The following UBASH3B variants were observed in gnomAD, a reference collection of about 807,000 sequenced individuals.
The protein encoded by UBASH3B is ubiquitin-associated and SH3 domain-containing protein B.
Under a neutral mutation model 83.4 loss-of-function variants are expected in UBASH3B, and 37 were observed. The ratio of observed to expected loss-of-function variants is 0.44; its 90% confidence interval spans 0.34 to 0.58. UBASH3B has a LOEUF of 0.58. UBASH3B is among the 20% of genes least tolerant of loss of function. The probability of loss-of-function intolerance (pLI) is 0.01; values close to 1 mark genes in which losing one functional copy is unlikely to be tolerated. For missense variants in UBASH3B, 657 were observed against 827.2 expected (o/e 0.79, Z 2.52); for synonymous variants, 304 against 318.3 (o/e 0.96, Z 0.48).
intron 1 of UBASH3B, among the ~76,000 whole-genome samples, chr11:122,756,992 A>G (rs1861292344): frequency 6.6e-6 from 1 of 152,224 alleles, no homozygotes; most frequent in South Asian, 2.1e-4. Context: ...AGAGGATTGA[A>G]GTAAGTGATC....
chr11:122,810,865 A>G lies in UBASH3B; in HGVS notation c.*979A>G, dbSNP rs1019173126. The G allele has an allele frequency of 6.6e-6, 1 of 152,180 alleles. No individual in the cohort carries two copies. Among genetic ancestry groups the G allele is most frequent in the Admixed American group, 6.5e-5 (1 of 15,278 alleles). 9.4% of individuals were successfully genotyped at this position (152,180 alleles called of 1,614,324 possible). On this transcript the variant is annotated 3_prime_UTR_variant, in exon 14 of 14. Transcript: ENST00000284273. ...TCTGTGCAATATGGACATGTTTGCA[A>G]ACCATACCAAGGGTCAGGTTGTTGT...
intron 1 of UBASH3B, among the ~76,000 whole-genome samples, chr11:122,672,669 G>A (rs1034876457): frequency 6.6e-6 from 1 of 152,080 alleles, no homozygotes. Flanking sequence ...CTGGGGACAG[G>A]GTCAGATTTC....
In UBASH3B at chr11:122,813,123, C is replaced by T. The variant is rs969086782; in HGVS notation, c.*3237C>T. 2 of 152,358 alleles carry T rather than the reference C, an allele frequency of 1.3e-5. No individual in the cohort carries two copies. The highest frequency in any genetic ancestry group is 4.8e-5 in the African/African-American group (2 of 41,400). 9.4% of individuals were successfully genotyped at this position (152,358 alleles called of 1,614,324 possible). Reference sequence around the variant, plus strand: ...CAAAAAATAAAAAATAAAAAATATGCCTTCTGGAGTGATGTCTGTTTGGTA... The same window carrying T: ...CAAAAAATAAAAAATAAAAAATATGTCTTCTGGAGTGATGTCTGTTTGGTA... On this transcript the variant is annotated 3_prime_UTR_variant, in exon 14 of 14. Coordinates refer to ENST00000284273, the MANE Select transcript of UBASH3B (RefSeq NM_032873.5).
rs1861456109 is a variant in UBASH3B, at chr11:122,811,934, T to C, written c.*2048T>C. ...TTAACAGATTCACCACAAATTTTCA[T>C]GGGCGTTGAGTGCTCAGAATAATGC... On this transcript the variant is annotated 3_prime_UTR_variant, in exon 14 of 14. Transcript: ENST00000284273. The C allele has an allele frequency of 6.6e-6, 1 of 152,232 alleles. No individual in the cohort carries two copies. The allele number at this position is 152,232 out of a possible 1,614,324, so 9.4% of individuals were successfully genotyped here.
intron 1 of UBASH3B, among the ~76,000 whole-genome samples, chr11:122,706,220 A>T (rs1864118461): frequency 6.7e-6 from 1 of 149,366 alleles, no homozygotes; most frequent in African/African-American, 2.5e-5. Flanking sequence ...GGTTCAAGCA[A>T]TTTTTCTGCC....
intron 1 of UBASH3B, chr11:122,726,109 C>A (rs1860735547): frequency 6.6e-6 from 1 of 152,228 alleles, no homozygotes; most frequent in Admixed American, 6.5e-5. Context: ...TTGCCCTTCC[C>A]TCTGTGCTCA....
At chr11:122,743,595 A>G (rs34945336) in intron 1 of UBASH3B, among the ~76,000 whole-genome samples, 48,295 of 152,110 alleles carry the variant, frequency 0.32, 8,237 homozygotes, top group African/African-American at 0.41. Context: ...TATTAGCCTC[A>G]TGAAGCTGTC....
chr11:122,783,542 T>C (rs1860895337), intron 5 of UBASH3B, among the ~76,000 whole-genome samples: 1 of 152,122 alleles, frequency 6.6e-6, no homozygotes, highest in Non-Finnish European at 1.5e-5. Flanking sequence ...ATTTTTAATA[T>C]TATATAAATT....
intron 1 of UBASH3B, among the ~76,000 whole-genome samples, chr11:122,749,529 GTA>G (rs1238452563): frequency 3.3e-5 from 5 of 152,176 alleles, no homozygotes; most frequent in African/African-American, 1.2e-4. Flanking sequence ...AACCCTCTCT[GTA>G]TTGTTCCATT....
At chr11:122,714,351 T>C (rs1229539616) in intron 1 of UBASH3B, among the ~76,000 whole-genome samples, 1 of 152,242 alleles carries the variant, frequency 6.6e-6, no homozygotes, top group East Asian at 1.9e-4. Flanking sequence ...TTCAATTCTC[T>C]CTAAATCGGC....
intron 5 of UBASH3B, among the ~76,000 whole-genome samples, chr11:122,784,288 T>C (rs1275694174): frequency 6.6e-6 from 1 of 152,144 alleles, no homozygotes; most frequent in Non-Finnish European, 1.5e-5. Context: ...AACATTAGTG[T>C]CTTAGTAATT....
intron 1 of UBASH3B, among the ~76,000 whole-genome samples, chr11:122,734,637 T>TTTC (rs1460295357): frequency 1.9e-4 from 29 of 152,230 alleles, no homozygotes; most frequent in Admixed American, 5.9e-4. Flanking sequence ...CATCTTGAAA[T>TTTC]AAGTCCTCAT....
chr11:122,782,067 A>C (rs1271654012), intron 4 of UBASH3B, among the ~76,000 whole-genome samples: 1 of 152,016 alleles, frequency 6.6e-6, no homozygotes, highest in African/African-American at 2.4e-5. Flanking sequence ...ACAGTAGATG[A>C]TTCTCCCTCA....
At chr11:122,740,030 C>G (rs547305352) in intron 1 of UBASH3B, among the ~76,000 whole-genome samples, 2 of 152,276 alleles carry the variant, frequency 1.3e-5, no homozygotes, top group East Asian at 3.9e-4. Context: ...ATGTTCCATA[C>G]GTCCTGACAT....
At chr11:122,797,293 T>C in intron 9 of UBASH3B, 1 of 339,170 alleles carries the variant, frequency 2.9e-6, no homozygotes, top group Non-Finnish European at 5.4e-6. Context: ...GTGCTCACTC[T>C]TGGATGTAGC....
chr11:122,745,044 C>T (rs34280864), intron 1 of UBASH3B, among the ~76,000 whole-genome samples: 46,537 of 151,742 alleles, frequency 0.31, 7,200 homozygotes, highest in Middle Eastern at 0.37. Context: ...CCAGGGAGCC[C>T]GTCTGCCTGA....
intron 1 of UBASH3B, among the ~76,000 whole-genome samples, chr11:122,727,051 C>G (rs1203049941): frequency 6.6e-6 from 1 of 152,178 alleles, no homozygotes; most frequent in African/African-American, 2.4e-5. Flanking sequence ...TAACAAGTTG[C>G]TGGGTTTTTT....
intron 1 of UBASH3B, among the ~76,000 whole-genome samples, chr11:122,685,681 T>G (rs1286941178): frequency 6.6e-6 from 1 of 152,112 alleles, no homozygotes; most frequent in East Asian, 1.9e-4. Flanking sequence ...AATGCCCAGC[T>G]AATTTTTTTT....
intron 1 of UBASH3B, among the ~76,000 whole-genome samples, chr11:122,722,113 C>G (rs1277680642): frequency 6.6e-6 from 1 of 152,210 alleles, no homozygotes; most frequent in African/African-American, 2.4e-5. Context: ...TTGAAGCTCA[C>G]AAAGCTTCCT....
Sources: gnomAD v4.1 joint callset for allele counts (sites outside exome capture counted in the v4.1 genomes callset) on GRCh38, gnomAD v4.1.1 for gene constraint, MANE v1.5 for transcripts, NCBI Gene and HGNC (gene_info 2026-07-23, HGNC 2026-07-21) for gene names.